The following SV2C variants were observed in gnomAD, a reference collection of about 807,000 sequenced individuals.
The protein encoded by SV2C is synaptic vesicle glycoprotein 2C, also known as solute carrier family 22 member B3.
A neutral mutation model predicts 79.7 loss-of-function variants in SV2C; 49 were observed. The observed-to-expected ratio is 0.61, with a 90% confidence interval of 0.49 to 0.78. The LOEUF is 0.78. SV2C is among the 30% of genes least tolerant of loss of function. The probability of loss-of-function intolerance (pLI) is 0.00; values close to 1 mark genes in which losing one functional copy is unlikely to be tolerated. For synonymous variants in SV2C, 334 were observed against 333.2 expected (o/e 1.00, Z -0.03); for missense variants, 833 against 912.9 (o/e 0.91, Z 1.13).
At chr5:76,159,372 G>T (rs1481338647) in intron 2 of SV2C, among the ~76,000 whole-genome samples, 1 of 152,046 alleles carries the variant, frequency 6.6e-6, no homozygotes, top group Non-Finnish European at 1.5e-5. Context: ...TCGTGTATAT[G>T]GAAAATCCCA....
chr5:76,308,350 A>C (rs1033033539), intron 12 of SV2C, among the ~76,000 whole-genome samples: 1 of 152,134 alleles, frequency 6.6e-6, no homozygotes, highest in Admixed American at 6.5e-5. Context: ...GGAGGAGCTC[A>C]TTACCACCCA....
At chr5:76,271,622 T>C (rs1746866701) in intron 4 of SV2C, among the ~76,000 whole-genome samples, 1 of 145,756 alleles carries the variant, frequency 6.9e-6, no homozygotes, top group Non-Finnish European at 1.5e-5. Flanking sequence ...TGTTCTTTTT[T>C]TTTTTTTTTT....
intron 4 of SV2C, among the ~76,000 whole-genome samples, chr5:76,245,287 G>A (rs535707238): frequency 1.3e-5 from 2 of 152,280 alleles, no homozygotes; most frequent in African/African-American, 4.8e-5. Context: ...CCAAGACTTG[G>A]AGGAAGAGGA....
intron 4 of SV2C, among the ~76,000 whole-genome samples, chr5:76,237,539 G>C (rs1233955362): frequency 6.6e-6 from 1 of 152,018 alleles, no homozygotes; most frequent in East Asian, 1.9e-4. Context: ...TGGAACCCCT[G>C]GACTTTCTGA....
At chr5:76,078,737 A>G, upstream of SV2C, 1 of 561,320 alleles carries the variant, frequency 1.8e-6, no homozygotes, top group South Asian at 1.5e-5. Context: ...CCATTCTAAA[A>G]GGCCTCCAGT....
the SV2C span, among the ~76,000 whole-genome samples, chr5:76,029,896 C>A: frequency 6.6e-6 from 1 of 152,144 alleles, no homozygotes; most frequent in African/African-American, 2.4e-5. Flanking sequence ...CAGCCATTGA[C>A]CAGATTCTGT....
chr5:75,971,261 G>T, the SV2C span, among the ~76,000 whole-genome samples: 1 of 152,016 alleles, frequency 6.6e-6, no homozygotes, highest in African/African-American at 2.4e-5. Flanking sequence ...TTGAAAACTG[G>T]CACAAGACAG....
At chr5:75,917,559 A>T in the SV2C span, among the ~76,000 whole-genome samples, 9 of 152,358 alleles carry the variant, frequency 5.9e-5, no homozygotes, top group East Asian at 1.7e-3. Flanking sequence ...GAAATAAGCC[A>T]GGCACAGAAA....
chr5:75,965,992 T>G, the SV2C span, among the ~76,000 whole-genome samples: 1 of 152,226 alleles, frequency 6.6e-6, no homozygotes, highest in Non-Finnish European at 1.5e-5. Context: ...TGTCACTGTC[T>G]TGAGCTTCTG....
chr5:76,126,262 T>C (rs1379721372), intron 1 of SV2C, among the ~76,000 whole-genome samples: 1 of 152,154 alleles, frequency 6.6e-6, no homozygotes, highest in Non-Finnish European at 1.5e-5. Context: ...AATCGTTTCA[T>C]GAAAGAAGTG....
the SV2C span, among the ~76,000 whole-genome samples, chr5:76,051,172 C>G: frequency 6.6e-6 from 1 of 152,028 alleles, no homozygotes; most frequent in Non-Finnish European, 1.5e-5. Flanking sequence ...ATGTCATTAA[C>G]TGCTTAGCTA....
rs372510291 is a variant in SV2C at position 76,285,248 on chromosome 5, G to T, written c.1000G>T (p.Val334Leu). Reference sequence around the variant, plus strand: ...CTGTGCACTCCCCTGTGTCTCCTCCGTGGTGGCCCTCACATTCATGCCTGA... The same window carrying T: ...CTGTGCACTCCCCTGTGTCTCCTCCTTGGTGGCCCTCACATTCATGCCTGA... ...IVCALPCVSS[V>L]VALTFMPESP... The change falls in exon 5 of 13, where the codon GTG becomes TTG. Residue 334 changes from valine (V) to leucine (L), a missense_variant. Coordinates refer to ENST00000502798, the MANE Select transcript of SV2C (RefSeq NM_014979.4). The T allele has an allele frequency of 3.1e-6, 5 of 1,614,148 alleles. No homozygotes were observed. The Admixed American group carries it at 5.0e-5, about 16-fold the overall frequency.
At chr5:75,984,593 AT>A in the SV2C span, among the ~76,000 whole-genome samples, 1 of 83,300 alleles carries the variant, frequency 1.2e-5, no homozygotes, top group African/African-American at 3.1e-5. Context: ...CTATCTATCT[AT>A]CTACCTATCT....
At chr5:76,094,911 A>T (rs1162790079) in intron 1 of SV2C, among the ~76,000 whole-genome samples, 1 of 151,986 alleles carries the variant, frequency 6.6e-6, no homozygotes, top group Non-Finnish European at 1.5e-5. Context: ...TATACTATTG[A>T]CAGTGTCTTT....
At chr5:75,966,448 CT>C in the SV2C span, among the ~76,000 whole-genome samples, 2 of 152,154 alleles carry the variant, frequency 1.3e-5, no homozygotes, top group African/African-American at 2.4e-5. Context: ...AATGAAGAAA[CT>C]GGCCAGAACC....
chr5:76,243,012 T>TA lies in SV2C; in HGVS notation c.913+33153dup, dbSNP rs559052290. Among the ~76,000 whole-genome samples, 416 of 49,924 alleles carry TA rather than the reference T, an allele frequency of 8.3e-3. 16 individuals carry two copies. The highest frequency in any genetic ancestry group is 0.013 in the South Asian group (9 of 672). The allele number at this position is 49,924 out of a possible 152,430, so 32.8% of individuals were successfully genotyped here. ...CTGTGCAACAGATCGAGACCCCATC[T>TA]AAAAAAAAAAAAAAAAAAAAAAAAA... On this transcript the variant is annotated intron_variant, in intron 4 of 12. Transcript: ENST00000502798.
the SV2C span, among the ~76,000 whole-genome samples, chr5:76,030,944 T>G: frequency 2.1e-3 from 324 of 152,238 alleles, 2 homozygotes; most frequent in African/African-American, 7.6e-3. Context: ...ATAAATCAAA[T>G]ATTTCAACAA....
chr5:76,179,718 C>T (rs1260282040), intron 2 of SV2C, among the ~76,000 whole-genome samples: 1 of 152,210 alleles, frequency 6.6e-6, no homozygotes, highest in Non-Finnish European at 1.5e-5. Flanking sequence ...ACTTTGCCAT[C>T]AGCAATGGAT....
the SV2C span, among the ~76,000 whole-genome samples, chr5:76,008,327 T>TCAGCTCAGAGAC: frequency 6.6e-6 from 1 of 152,004 alleles, no homozygotes; most frequent in African/African-American, 2.4e-5. Context: ...TGATGTTGAC[T>TCAGCTCAGAGAC]TGTTAGCTCA....
Sources: gnomAD v4.1 joint callset for allele counts (sites outside exome capture counted in the v4.1 genomes callset) on GRCh38, gnomAD v4.1.1 for gene constraint, MANE v1.5 for transcripts, NCBI Gene and HGNC (gene_info 2026-07-23, HGNC 2026-07-21) for gene names.